RCC1: variants seen among roughly 807,000 people sequenced by gnomAD.
RCC1 encodes regulator of chromosome condensation.
In RCC1, 11 loss-of-function variants were observed where a neutral mutation model predicts 44.4. The ratio of observed to expected loss-of-function variants is 0.25; its 90% CI spans 0.16 to 0.41. RCC1 has a LOEUF of 0.41. RCC1 is among the 10% of genes least tolerant of loss of function. The probability of loss-of-function intolerance (pLI) is 1.00; values close to 1 mark genes in which losing one functional copy is unlikely to be tolerated. For missense variants in RCC1, 386 were observed against 547.1 expected (o/e 0.71, Z 2.94); for synonymous variants, 213 against 216.5 (o/e 0.98, Z 0.14).
At position 28,533,850 on chromosome 1, in the gene RCC1, T is replaced by C. The variant is rs866986578; in HGVS notation, c.442-1200T>C. On this transcript the variant is annotated intron_variant, in intron 7 of 12. Coordinates refer to ENST00000683442, the MANE Select transcript of RCC1 (RefSeq NM_001381865.2). ...TTTTTCTTTTCTTTTCTTTTCTTTT[T>C]TTTTTTTTTTTTTTTTTTTTTTTTT... Among the ~76,000 whole-genome samples the C allele has an allele frequency of 9.9e-3, 106 of 10,724 alleles. 1 individual carries two copies. Among genetic ancestry groups the C allele is most frequent in the African/African-American group, 0.041 (64 of 1,546 alleles). 7.0% of individuals were successfully genotyped at this position (10,724 alleles called of 152,430 possible).
At chr1:28,534,326 G>A (rs1191866944) in intron 7 of RCC1, among the ~76,000 whole-genome samples, 1 of 152,006 alleles carries the variant, frequency 6.6e-6, no homozygotes, top group Non-Finnish European at 1.5e-5. Context: ...GACTACAGGC[G>A]CCCGCTACAA....
chr1:28,528,194 G>A lies in RCC1; in HGVS notation c.-9-1664G>A, dbSNP rs376446679. 3.8e-3 allele frequency among the ~76,000 whole-genome samples: 579 copies of A among 151,940 alleles called. 2 individuals carry two copies. Among genetic ancestry groups the A allele is most frequent in the African/African-American group, 0.013 (529 of 41,456 alleles). ...ATTTGGGCTGGGCACAGTGGCTCAC[G>A]CCTATAATTCCAGCACTTTGGGAGG... On this transcript the variant is annotated intron_variant, in intron 4 of 12. Coordinates refer to ENST00000683442, the MANE Select transcript of RCC1 (RefSeq NM_001381865.2).
chr1:28,527,904 G>A (rs1055403821), intron 4 of RCC1, among the ~76,000 whole-genome samples: 1 of 151,506 alleles, frequency 6.6e-6, no homozygotes, highest in Non-Finnish European at 1.5e-5. Flanking sequence ...AGCTACTCCA[G>A]AGGCTGAGGC....
intron 7 of RCC1, chr1:28,532,561 G>T (rs929712767): frequency 1.9e-5 from 11 of 571,740 alleles, no homozygotes; most frequent in Admixed American, 2.9e-5. Flanking sequence ...ATGTCATCAA[G>T]TGTCTGTCCT....
Position 28,536,509 on chromosome 1 carries a change from T to C in RCC1, c.937+128T>C. 6 of 1,259,182 alleles carry C rather than the reference T, an allele frequency of 4.8e-6. No individual in the cohort carries two copies. Among genetic ancestry groups the C allele is most frequent in the Non-Finnish European group, 6.6e-6 (6 of 909,722 alleles). 78.0% of individuals were successfully genotyped at this position (1,259,182 alleles called of 1,614,324 possible). On this transcript the variant is annotated intron_variant, in intron 11 of 12. Coordinates refer to ENST00000683442, the MANE Select transcript of RCC1 (RefSeq NM_001381865.2). The surrounding 1 kb of genome is among the most constrained non-coding windows in gnomAD (Gnocchi z 4.9). ...ATGGGTTGTACCATACATGGGTCCA[T>C]GAGAGTCACTCTCATCCTCCTAGAG...
At chr1:28,533,835 C>CTT (rs1664349766) in intron 7 of RCC1, among the ~76,000 whole-genome samples, 1 of 34,908 alleles carries the variant, frequency 2.9e-5, no homozygotes, top group Non-Finnish European at 6.2e-5. Context: ...TTTTTCTTTT[C>CTT]TTTTCTTTTC....
intron 1 of RCC1, chr1:28,506,471 C>T (rs559517521): frequency 1.6e-4 from 52 of 320,416 alleles, no homozygotes; most frequent in Non-Finnish European, 2.6e-4. Flanking sequence ...AGGCGTGAGC[C>T]ACCGCGCCTG....
At chr1:28,511,535 AT>A (rs1245073908) in intron 3 of RCC1, among the ~76,000 whole-genome samples, 1 of 151,638 alleles carries the variant, frequency 6.6e-6, no homozygotes, top group Admixed American at 6.6e-5. Flanking sequence ...CACCCGGCTA[AT>A]TTTTTTGTAT....
At chr1:28,515,512 C>A (rs1662843657) in intron 3 of RCC1, among the ~76,000 whole-genome samples, 1 of 148,318 alleles carries the variant, frequency 6.7e-6, no homozygotes, top group Non-Finnish European at 1.5e-5. Flanking sequence ...AGGTCAAGAG[C>A]TCAAGACCGG....
chr1:28,523,878 G>A (rs899683696), intron 4 of RCC1, among the ~76,000 whole-genome samples: 1 of 152,188 alleles, frequency 6.6e-6, no homozygotes, highest in Non-Finnish European at 1.5e-5. Flanking sequence ...GTGCAATGGT[G>A]CAAACTCGGC....
chr1:28,510,214 G>C (rs1296649400), intron 3 of RCC1: 1 of 152,372 alleles, frequency 6.6e-6, no homozygotes, highest in Non-Finnish European at 1.5e-5. Flanking sequence ...GTGGACTGTA[G>C]AGCTTGCTTG....
chr1:28,535,586 C>A, intron 9 of RCC1: 1 of 843,682 alleles, frequency 1.2e-6, no homozygotes, highest in Non-Finnish European at 1.9e-6. Context: ...CTAAGTCTAC[C>A]TACCTGTAAA....
intron 12 of RCC1, 113 bp from the exon 13 acceptor site, chr1:28,537,719 C>T: frequency 9.2e-6 from 10 of 1,082,092 alleles, no homozygotes; most frequent in Non-Finnish European, 1.2e-5. Flanking sequence ...GGTACCTTGC[C>T]AAGCTGCTAT....
chr1:28,515,670 T>C (rs1039208294), intron 3 of RCC1, among the ~76,000 whole-genome samples: 4 of 151,032 alleles, frequency 2.6e-5, no homozygotes, highest in African/African-American at 4.9e-5. Flanking sequence ...TGAGCCGAGA[T>C]TGCACCACTG....
intron 4 of RCC1, among the ~76,000 whole-genome samples, chr1:28,521,621 A>C (rs1663291717): frequency 6.6e-6 from 1 of 152,176 alleles, no homozygotes; most frequent in Non-Finnish European, 1.5e-5. Context: ...TGGGACTCAA[A>C]GAGCACTCAG....
intron 3 of RCC1, among the ~76,000 whole-genome samples, chr1:28,513,267 T>C (rs1662674931): frequency 6.6e-6 from 1 of 152,110 alleles, no homozygotes; most frequent in Admixed American, 6.6e-5. Context: ...CGATCTCAGC[T>C]CACTGCAACC....
At chr1:28,506,843 A>G (rs1661984997) in intron 1 of RCC1, 1 of 158,408 alleles carries the variant, frequency 6.3e-6, no homozygotes, top group African/African-American at 2.4e-5. Context: ...CTGGGACTAC[A>G]GGCGTGTACC....
intron 9 of RCC1, 170 bp from the exon 10 acceptor site, chr1:28,535,701 A>G (rs1353537010): frequency 4.9e-6 from 4 of 821,390 alleles, no homozygotes; most frequent in Middle Eastern, 4.4e-4. Context: ...TGGGAATCTG[A>G]GCAAGGCACT....
chr1:28,509,157 C>CT (rs1662300442), intron 3 of RCC1: 1 of 316,098 alleles, frequency 3.2e-6, no homozygotes, highest in African/African-American at 2.2e-5. Flanking sequence ...TGTTTTTGTA[C>CT]TAAAGGCTTT....
Sources: gnomAD v4.1 joint callset for allele counts (sites outside exome capture counted in the v4.1 genomes callset) on GRCh38, gnomAD v4.1.1 for gene constraint, Gnocchi (gnomAD v3.1) non-coding constraint, MANE v1.5 for transcripts, NCBI Gene and HGNC (gene_info 2026-07-23, HGNC 2026-07-21) for gene names.